The following GPR158 variants were observed in gnomAD, a reference collection of about 807,000 sequenced individuals.
GPR158 encodes the protein metabotropic glycine receptor.
GPR158 carries 30 observed loss-of-function variants against 78.2 expected under a neutral mutation model. The ratio of observed to expected loss-of-function variants is 0.38; its 90% confidence interval spans 0.29 to 0.52. GPR158 has a LOEUF of 0.52. Among genes scored for constraint, GPR158 ranks in the 20% least tolerant of loss-of-function variants. The probability of loss-of-function intolerance (pLI) is 0.83; values close to 1 mark genes in which losing one functional copy is unlikely to be tolerated. For synonymous variants in GPR158, 581 were observed against 591.1 expected (o/e 0.98, Z 0.25); for missense variants, 1,463 against 1,523.5 (o/e 0.96, Z 0.66).
chr10:25,428,714 C>A (rs1327837898), intron 4 of GPR158, among the ~76,000 whole-genome samples: 2 of 151,948 alleles, frequency 1.3e-5, no homozygotes, highest in Non-Finnish European at 2.9e-5. Context: ...GCTTTCAGTT[C>A]CGTACCTTTG....
At chr10:25,368,284 A>ATT (rs542628428) in intron 2 of GPR158, among the ~76,000 whole-genome samples, 13 of 151,016 alleles carry the variant, frequency 8.6e-5, no homozygotes, top group African/African-American at 2.2e-4. Flanking sequence ...GTAAGACAGT[A>ATT]TTTTTTTTTA....
chr10:25,459,746 T>C (rs1835333193), intron 4 of GPR158, among the ~76,000 whole-genome samples: 1 of 152,234 alleles, frequency 6.6e-6, no homozygotes, highest in African/African-American at 2.4e-5. Context: ...GTGCTTCATC[T>C]TATGCTTCTA....
At chr10:25,327,525 A>C (rs1855053625) in intron 2 of GPR158, among the ~76,000 whole-genome samples, 1 of 150,454 alleles carries the variant, frequency 6.6e-6, no homozygotes, top group South Asian at 2.1e-4. Context: ...CCCATTTTGG[A>C]ATGACTTCAC....
chr10:25,464,948 T>C (rs1358378167), intron 4 of GPR158, among the ~76,000 whole-genome samples: 1 of 152,202 alleles, frequency 6.6e-6, no homozygotes, highest in East Asian at 1.9e-4. Context: ...TAATGACCAA[T>C]AGCAAGAAGC....
chr10:25,252,364 C>T (rs1200933549), intron 2 of GPR158, among the ~76,000 whole-genome samples: 44 of 152,260 alleles, frequency 2.9e-4, no homozygotes, highest in African/African-American at 1.0e-3. Context: ...TGAGGAGCTG[C>T]GTTCCTTTGG....
Position 25,598,620 on chromosome 10 carries a change from G to T in GPR158, c.2994G>T (p.Lys998Asn), listed in dbSNP as rs760396205. 3.0e-5 allele frequency: 49 copies of T among 1,613,928 alleles called. 1 individual carries two copies. In the South Asian group the frequency reaches 5.4e-4, roughly 18 times the overall value. Residue 998 changes from lysine (K) to asparagine (N), a missense_variant, in exon 11 of 11, where the codon AAG becomes AAT. Transcript: ENST00000376351. ...SDLNPGTTQM[K>N]DNFDIGEVCP... ...TGAACCCAGGCACCACCCAGATGAA[G>T]GACAACTTTGACATTGGGGAGGTGT...
chr10:25,445,494 A>T (rs946602280), intron 4 of GPR158, among the ~76,000 whole-genome samples: 1 of 152,242 alleles, frequency 6.6e-6, no homozygotes, highest in African/African-American at 2.4e-5. Context: ...ATAAAGATTT[A>T]CAAAGAAAAT....
At chr10:25,365,542 A>G (rs1855708706) in intron 2 of GPR158, among the ~76,000 whole-genome samples, 1 of 151,720 alleles carries the variant, frequency 6.6e-6, no homozygotes, top group South Asian at 2.1e-4. Context: ...CATAATTCTT[A>G]TATAATCACT....
intron 1 of GPR158, among the ~76,000 whole-genome samples, chr10:25,196,988 C>T (rs963455816): frequency 2.0e-5 from 3 of 152,176 alleles, no homozygotes; most frequent in Non-Finnish European, 2.9e-5. Context: ...GCCTTAGCTG[C>T]CACCCCTCCC....
At chr10:25,441,817 T>C (rs567031580) in intron 4 of GPR158, among the ~76,000 whole-genome samples, 1 of 152,302 alleles carries the variant, frequency 6.6e-6, no homozygotes, top group African/African-American at 2.4e-5. Context: ...CACAATCACA[T>C]AGACACTACA....
chr10:25,367,469 T>C (rs113026643), intron 2 of GPR158, among the ~76,000 whole-genome samples: 1 of 151,832 alleles, frequency 6.6e-6, no homozygotes, highest in African/African-American at 2.4e-5. Flanking sequence ...TTTTGGCTCT[T>C]CTTGGCCATT....
chr10:25,361,350 G>C (rs1160253188), intron 2 of GPR158, among the ~76,000 whole-genome samples: 1 of 151,554 alleles, frequency 6.6e-6, no homozygotes, highest in Non-Finnish European at 1.5e-5. Context: ...TGGGTGTTTG[G>C]GTTACTTAAC....
Position 25,599,465 on chromosome 10 carries a change from C to T in GPR158, c.*191C>T. Reference sequence around the variant, plus strand: ...ACAACGTCATAATGGAGAAGTCAGACTTTGGTCAAGAAAGTCCTTCCCTTG... The same window carrying T: ...ACAACGTCATAATGGAGAAGTCAGATTTTGGTCAAGAAAGTCCTTCCCTTG... On this transcript the variant is annotated 3_prime_UTR_variant, in exon 11 of 11. Transcript: ENST00000376351. The T allele has an allele frequency of 5.3e-6, 3 of 570,058 alleles. No homozygotes were observed. The South Asian group carries it at 7.0e-5, about 13-fold the overall frequency. The allele number at this position is 570,058 out of a possible 1,614,324, so 35.3% of individuals were successfully genotyped here.
intron 2 of GPR158, among the ~76,000 whole-genome samples, chr10:25,303,701 G>A (rs1013347823): frequency 1.3e-5 from 2 of 152,250 alleles, no homozygotes; most frequent in Admixed American, 6.5e-5. Context: ...GCATATTAAA[G>A]CTTCTGAGAA....
At chr10:25,573,375 C>G (rs1002633896) in intron 7 of GPR158, among the ~76,000 whole-genome samples, 3 of 152,198 alleles carry the variant, frequency 2.0e-5, no homozygotes, top group Admixed American at 1.3e-4. Context: ...CTTTCCTTTG[C>G]TGACCTCAAA....
intron 2 of GPR158, among the ~76,000 whole-genome samples, chr10:25,386,229 A>T (rs1773615): frequency 1.3e-5 from 2 of 152,060 alleles, no homozygotes; most frequent in Non-Finnish European, 2.9e-5. Context: ...TCCTCACTGA[A>T]TTGTTGAAGA....
rs1564451136 is a variant in GPR158, at chr10:25,423,112, C to CGT, written c.1335+10639_1335+10640insGT. Reference sequence around the variant, plus strand: ...ATGTGTGTGTGTGTATATGTCTACACATATATACATATATATGTATATACA... The same window carrying CGT: ...ATGTGTGTGTGTGTATATGTCTACACGTATATATACATATATATGTATATACA... On this transcript the variant is annotated intron_variant, in intron 4 of 10. Coordinates refer to ENST00000376351, the MANE Select transcript of GPR158 (RefSeq NM_020752.3). Among the ~76,000 whole-genome samples the CGT allele has an allele frequency of 3.9e-4, 55 of 141,036 alleles. No homozygotes were observed. In the South Asian group the frequency reaches 5.1e-3, roughly 13 times the overall value. The allele number at this position is 141,036 out of a possible 152,430, so 92.5% of individuals were successfully genotyped here.
intron 4 of GPR158, among the ~76,000 whole-genome samples, chr10:25,441,169 T>C (rs1057503813): frequency 1.3e-5 from 2 of 152,202 alleles, no homozygotes; most frequent in African/African-American, 4.8e-5. Context: ...TTCAGGACTC[T>C]CTTTATCCAT....
At position 25,235,466 on chromosome 10, in the gene GPR158, C is replaced by G. The variant is rs114212194; in HGVS notation, c.1008+14309C>G. Among the ~76,000 whole-genome samples the G allele has an allele frequency of 7.0e-3, 1,040 of 149,200 alleles. 23 individuals carry two copies. Among genetic ancestry groups the G allele is most frequent in the African/African-American group, 0.025 (998 of 40,402 alleles). ...AATGGCAAGAGCACCTGAAATCTAT[C>G]TGCTCTTAGCTTGCTTGTACTTTTG... On this transcript the variant is annotated intron_variant, in intron 2 of 10. Coordinates refer to ENST00000376351, the MANE Select transcript of GPR158 (RefSeq NM_020752.3).
Sources: allele counts gnomAD v4.1 joint callset (sites outside exome capture counted in the v4.1 genomes callset), GRCh38; gene constraint gnomAD v4.1.1; transcripts MANE v1.5; gene names NCBI Gene and HGNC (gene_info 2026-07-23, HGNC 2026-07-21).